The following FOXP1 variants were observed in gnomAD, a reference collection of about 807,000 sequenced individuals.
FOXP1 encodes the protein forkhead box P1, also known as forkhead box protein P1.
In FOXP1, 15 loss-of-function variants were observed where a neutral mutation model predicts 98.2. The ratio of observed to expected loss-of-function variants is 0.15; its 90% CI spans 0.10 to 0.24. The LOEUF (loss-of-function observed/expected upper bound fraction) is 0.24, where lower values mean the gene tolerates loss of function less well. FOXP1 is among the 10% of genes least tolerant of loss of function. The probability of loss-of-function intolerance (pLI) is 1.00; values close to 1 mark genes in which losing one functional copy is unlikely to be tolerated. For missense variants in FOXP1, 633 were observed against 848.5 expected, an observed-to-expected ratio of 0.75 and a Z score of 3.15; for synonymous variants, 371 against 314.5, an observed-to-expected ratio of 1.18 and a Z score of -1.90.
intron 11 of FOXP1, among the ~76,000 whole-genome samples, chr3:71,023,681 A>G (rs1369084459): frequency 6.6e-6 from 1 of 152,200 alleles, no homozygotes; most frequent in African/African-American, 2.4e-5. Flanking sequence ...ACCGAACCAT[A>G]TCATGTACTT....
At chr3:71,529,871 C>A (rs7610856) in intron 2 of FOXP1, among the ~76,000 whole-genome samples, 47,283 of 151,966 alleles carry the variant, frequency 0.31, 8,681 homozygotes, top group Non-Finnish European at 0.42. Flanking sequence ...ACCAGTAAAC[C>A]TAAGTGTTTC....
Position 71,141,072 on chromosome 3 carries a change from T to C in FOXP1, c.181-28435A>G, listed in dbSNP as rs2060044117. 2.0e-5 allele frequency among the ~76,000 whole-genome samples: 3 copies of C among 151,754 alleles called. No homozygotes were observed. In the South Asian group the frequency reaches 6.2e-4, roughly 32 times the overall value. On this transcript the variant is annotated intron_variant, in intron 6 of 20. Transcript: ENST00000649528. ...TCACGAGGTCAAGAGATAGAGACCA[T>C]CCTGGCTAACTCGATGAAACCCCAT...
intron 7 of FOXP1, among the ~76,000 whole-genome samples, chr3:71,108,567 ACCAGC>A (rs1420795349): frequency 2.6e-5 from 4 of 152,178 alleles, no homozygotes; most frequent in Non-Finnish European, 5.9e-5. Flanking sequence ...GGAATTCAAG[ACCAGC>A]CTGGTCAACA....
chr3:71,415,323 TATA>T (rs1049866159), intron 3 of FOXP1, among the ~76,000 whole-genome samples: 1 of 122,104 alleles, frequency 8.2e-6, no homozygotes, highest in Non-Finnish European at 2.1e-5. Flanking sequence ...TATCTTTCAG[TATA>T]ATTTTTTAAT....
At chr3:71,545,403 G>A (rs1413084834) in intron 2 of FOXP1, among the ~76,000 whole-genome samples, 2 of 152,158 alleles carry the variant, frequency 1.3e-5, no homozygotes, top group Non-Finnish European at 2.9e-5. Context: ...ATTCCAAAAT[G>A]TAAATCCATC....
At chr3:71,509,545 A>G (rs2042049214) in intron 2 of FOXP1, among the ~76,000 whole-genome samples, 2 of 152,218 alleles carry the variant, frequency 1.3e-5, no homozygotes, top group East Asian at 1.9e-4. Context: ...GCTTCAGTGT[A>G]TACATCATGG....
chr3:71,332,739 A>G (rs1326868885), intron 4 of FOXP1: 5 of 152,288 alleles, frequency 3.3e-5, no homozygotes, highest in Admixed American at 3.3e-4. Context: ...CTCTATCTCA[A>G]AAAAGTAAAA....
chr3:71,228,008 T>C (rs2065974694), intron 5 of FOXP1, among the ~76,000 whole-genome samples: 3 of 66,108 alleles, frequency 4.5e-5, no homozygotes, highest in Admixed American at 4.1e-4. Context: ...ATCAATATCA[T>C]GGTGGGGCGG....
At chr3:71,005,609 G>T (rs1264911672) in intron 12 of FOXP1, among the ~76,000 whole-genome samples, 6 of 152,064 alleles carry the variant, frequency 3.9e-5, no homozygotes, top group Admixed American at 3.3e-4. Flanking sequence ...CCCTGTTCAT[G>T]CATCTCCAAA....
Position 71,581,643 on chromosome 3 carries a change from C to A in FOXP1, c.-392G>T, listed in dbSNP as rs1194866661. The A allele has an allele frequency of 3.0e-6, 3 of 985,950 alleles. No homozygotes were observed. The highest frequency in any genetic ancestry group is 3.6e-6 in the Non-Finnish European group (3 of 830,142). 61.1% of individuals were successfully genotyped at this position (985,950 alleles called of 1,614,324 possible). A position where few individuals can be genotyped will look rare whatever the true frequency, so the allele number is the denominator to read the frequency against. On this transcript the variant is annotated 5_prime_UTR_variant, in exon 2 of 21. Coordinates refer to ENST00000649528, the MANE Select transcript of FOXP1 (RefSeq NM_001349338.3). ...GTCCCCGGCGCCGCTGCCGCTGCCC[C>A]CGGCCCGCTCGCTCGCTCGCCGCGC... is the stretch of plus-strand genomic sequence containing the variant.
intron 3 of FOXP1, among the ~76,000 whole-genome samples, chr3:71,388,502 GT>G (rs35263675): frequency 0.18 from 27,399 of 151,982 alleles, 2,955 homozygotes; most frequent in African/African-American, 0.29. Context: ...CAAAATTAAC[GT>G]TAAGTACAAA....
intron 11 of FOXP1, among the ~76,000 whole-genome samples, chr3:71,031,656 T>C (rs2046883295): frequency 1.3e-5 from 2 of 152,154 alleles, no homozygotes; most frequent in Non-Finnish European, 2.9e-5. Context: ...TTTTAAGACT[T>C]AGAAACCACA....
chr3:71,564,430 G>A (rs543149059), intron 2 of FOXP1, among the ~76,000 whole-genome samples: 1 of 152,344 alleles, frequency 6.6e-6, no homozygotes, highest in East Asian at 1.9e-4. Context: ...GATGAGGTAA[G>A]TTCTTTATTC....
At chr3:71,129,820 C>A (rs1171493141) in intron 6 of FOXP1, among the ~76,000 whole-genome samples, 2 of 152,196 alleles carry the variant, frequency 1.3e-5, no homozygotes, top group Non-Finnish European at 2.9e-5. Context: ...AGTCCAAGGG[C>A]TTTTCCTGCT....
intron 11 of FOXP1, among the ~76,000 whole-genome samples, chr3:71,024,494 C>A (rs548028246): frequency 6.6e-6 from 1 of 152,280 alleles, no homozygotes; most frequent in South Asian, 2.1e-4. Flanking sequence ...AAAGGGCCTA[C>A]CCTAGAGTGA....
At chr3:71,337,897 A>C (rs1467271895) in intron 4 of FOXP1, among the ~76,000 whole-genome samples, 1 of 152,226 alleles carries the variant, frequency 6.6e-6, no homozygotes, top group East Asian at 1.9e-4. Context: ...CAGACACTCC[A>C]AACAAGGGAC....
intron 20 of FOXP1, among the ~76,000 whole-genome samples, chr3:70,959,991 G>C: frequency 6.6e-6 from 1 of 152,216 alleles, no homozygotes; most frequent in East Asian, 1.9e-4. Flanking sequence ...ACGGCAGTTT[G>C]TGGGGACCAC....
chr3:71,537,249 G>A (rs879294509), intron 2 of FOXP1, among the ~76,000 whole-genome samples: 2 of 152,178 alleles, frequency 1.3e-5, no homozygotes, highest in East Asian at 1.9e-4. Flanking sequence ...CCAGCAAGGC[G>A]AACTCAGTTC....
At chr3:71,222,991 T>C (rs75299403) in intron 5 of FOXP1, among the ~76,000 whole-genome samples, 9,164 of 152,238 alleles carry the variant, frequency 0.06, 530 homozygotes, top group East Asian at 0.29. Context: ...ATTGAATAAA[T>C]TTTTCCCCTT....
Sources: allele counts gnomAD v4.1 joint callset (sites outside exome capture counted in the v4.1 genomes callset), GRCh38; gene constraint gnomAD v4.1.1; transcripts MANE v1.5; gene names NCBI Gene and HGNC (gene_info 2026-07-23, HGNC 2026-07-21).